Variants in ZFYVE26 observed in about 807,000 individuals in gnomAD.
ZFYVE26 encodes the protein zinc finger FYVE domain-containing protein 26.
A neutral mutation model predicts 276.5 loss-of-function variants in ZFYVE26; 181 were observed. That is an observed-to-expected ratio of 0.65 (90% CI 0.58 to 0.74). The LOEUF is 0.74. Ranked by LOEUF, ZFYVE26 falls within the 30% of genes least tolerant of loss-of-function variation. The pLI is 0.00. For missense variants in ZFYVE26, 2,821 were observed against 3,097.9 expected (o/e 0.91, Z 2.12); for synonymous variants, 1,129 against 1,203.1 (o/e 0.94, Z 1.27).
At chr14:67,737,467 A>G (rs2038365638) in intron 13 of ZFYVE26, among the ~76,000 whole-genome samples, 1 of 152,068 alleles carries the variant, frequency 6.6e-6, no homozygotes, top group Non-Finnish European at 1.5e-5. Context: ...TAAAACCATC[A>G]GGTCTCATGA....
At position 67,802,294 on chromosome 14, in the gene ZFYVE26, A is replaced by G; in HGVS notation, c.1436-12T>C. 1 of 1,613,992 alleles carries G rather than the reference A, an allele frequency of 6.2e-7. No homozygotes were observed. On this transcript the variant is annotated splice_polypyrimidine_tract_variant and intron_variant, in intron 9 of 41. Transcript: ENST00000347230. ...AGCATCAACTGCATCTGAATTACAA[A>G]GAGAAACAGGCTGAACTTGAGAGTT...
intron 3 of ZFYVE26, among the ~76,000 whole-genome samples, chr14:67,810,063 C>G (rs1193988123): frequency 6.6e-6 from 1 of 152,102 alleles, no homozygotes; most frequent in South Asian, 2.1e-4. Flanking sequence ...GGATTACAGG[C>G]GTGAGCCACC....
intron 27 of ZFYVE26, among the ~76,000 whole-genome samples, chr14:67,774,127 T>C (rs1057395071): frequency 6.6e-6 from 1 of 152,210 alleles, no homozygotes; most frequent in Admixed American, 6.5e-5. Context: ...TTGTGGTCAT[T>C]TGCAAACACA....
At position 67,772,128 on chromosome 14, in the gene ZFYVE26, C is replaced by T. The variant is rs369952104; in HGVS notation, c.5403G>A (p.Ala1801=). The T allele has an allele frequency of 2.2e-5, 35 of 1,612,758 alleles. No individual in the cohort carries two copies. Among genetic ancestry groups the T allele is most frequent in the East Asian group, 4.5e-5 (2 of 44,860 alleles). ...TQPSQEFVPP[A]TPPARHQWVP... is the part of the protein sequence containing the mutation. Reference sequence around the variant, plus strand: ...CCCACTGGTGCCTGGCAGGGGGTGTCGCTGGGGGCACAAATTCCTGTGAGG... The same window carrying T: ...CCCACTGGTGCCTGGCAGGGGGTGTTGCTGGGGGCACAAATTCCTGTGAGG... The change falls in exon 28 of 42, where the codon GCG becomes GCA. Residue 1801 remains alanine, a synonymous_variant. Coordinates refer to ENST00000347230, the MANE Select transcript of ZFYVE26 (RefSeq NM_015346.4).
intron 8 of ZFYVE26, among the ~76,000 whole-genome samples, chr14:67,804,552 C>A (rs2040139151): frequency 6.6e-6 from 1 of 152,130 alleles, no homozygotes; most frequent in Admixed American, 6.6e-5. Flanking sequence ...AATTTCTACA[C>A]CCTCTCCAGC....
chr14:67,805,564 G>T lies in ZFYVE26; in HGVS notation c.1072C>A (p.Leu358Ile), dbSNP rs776361033. 1.9e-6 allele frequency: 3 copies of T among 1,614,092 alleles called. No homozygotes were observed. The East Asian group carries it at 6.7e-5, about 36-fold the overall frequency. The change falls in exon 7 of 42, where the codon CTT becomes ATT. Residue 358 changes from leucine to isoleucine, a missense_variant. Transcript: ENST00000347230. ...EEDFPNLGCL[L>I]DREFRPLSCL... ...CTGAGGGGCCTGAATTCTCTATCAAGTAGGCAGCCAAGATTTGGGAAGTCT... is the reference window on the plus strand; with the variant it reads ...CTGAGGGGCCTGAATTCTCTATCAATTAGGCAGCCAAGATTTGGGAAGTCT...
intron 23 of ZFYVE26, among the ~76,000 whole-genome samples, chr14:67,779,843 T>C (rs1390242674): frequency 6.6e-6 from 1 of 152,136 alleles, no homozygotes; most frequent in Non-Finnish European, 1.5e-5. Flanking sequence ...TTTTGGCAAA[T>C]TTCACAATAA....
intron 25 of ZFYVE26, 98 bp from the exon 26 acceptor site, chr14:67,776,204 A>C: frequency 6.5e-7 from 1 of 1,547,716 alleles, no homozygotes; most frequent in Non-Finnish European, 8.8e-7. Context: ...GCATGAGAAC[A>C]AAAGGTGCAT....
At chr14:67,751,375 G>C (rs964092877) in intron 40 of ZFYVE26, 2 of 518,966 alleles carry the variant, frequency 3.9e-6, no homozygotes, top group Non-Finnish European at 7.0e-6. Context: ...GTGGTCCCCT[G>C]CTCCTGGGAG....
At chr14:67,804,734 A>T (rs767470149) in intron 8 of ZFYVE26, among the ~76,000 whole-genome samples, 11 of 152,228 alleles carry the variant, frequency 7.2e-5, no homozygotes, top group Non-Finnish European at 1.5e-4. Flanking sequence ...ACAGTTCAGT[A>T]AGCATTTGTT....
rs1364384036 is a variant in ZFYVE26 at position 67,751,255 on chromosome 14, T to C, written c.7372-159A>G. On this transcript the variant is annotated intron_variant, in intron 40 of 41. Transcript: ENST00000347230. ...ACATGGGGTCTCACTATGTTGCCCA[T>C]GCTGGAGTGTAGTGGCTTTTCACAG... The C allele has an allele frequency of 9.3e-6, 7 of 755,408 alleles. No individual in the cohort carries two copies. The African/African-American group carries it at 1.0e-4, about 11-fold the overall frequency. 46.8% of individuals were successfully genotyped at this position (755,408 alleles called of 1,614,324 possible).
intron 13 of ZFYVE26, among the ~76,000 whole-genome samples, chr14:67,731,503 C>G (rs1000777121): frequency 6.6e-6 from 1 of 152,092 alleles, no homozygotes; most frequent in Non-Finnish European, 1.5e-5. Flanking sequence ...GCGTGAGCCA[C>G]TGCGCCTGGT....
rs577340209 is a variant in ZFYVE26, at chr14:67,767,147, A to G, written c.5790+557T>C. 4.7e-4 allele frequency among the ~76,000 whole-genome samples: 71 copies of G among 152,236 alleles called. 1 individual carries two copies. The highest frequency in any genetic ancestry group is 1.7e-3 in the African/African-American group (70 of 41,524). Reference sequence around the variant, plus strand: ...AGTTTCTGCTTTAAGCCATGGACACACTGCTGCTAAATTAATATTCCTAAA... The same window carrying G: ...AGTTTCTGCTTTAAGCCATGGACACGCTGCTGCTAAATTAATATTCCTAAA... On this transcript the variant is annotated intron_variant, in intron 31 of 41. Transcript: ENST00000347230.
At chr14:67,772,349 T>A in intron 27 of ZFYVE26, 139 bp from the exon 28 acceptor site, 1 of 1,037,264 alleles carries the variant, frequency 9.6e-7, no homozygotes, top group Non-Finnish European at 1.4e-6. Flanking sequence ...AGTGACTGTT[T>A]GTGTCATAAA....
rs1311113597 is a variant in ZFYVE26 at position 67,805,302 on chromosome 14, G to A, written c.1186C>T (p.Pro396Ser). ...LLQTLHRTQGPGCDELLRDAC... is the reference protein window; with the variant it reads ...LLQTLHRTQGSGCDELLRDAC... ...TCCCTGAGGAGCTCATCACAGCCTG[G>A]GCCCTATGTTGATATGGGAGAAGAA... Residue 396 changes from proline to serine, a missense_variant, in exon 8 of 42, where the codon CCA becomes TCA. Transcript: ENST00000347230. 13 of 1,614,040 alleles carry A rather than the reference G, an allele frequency of 8.1e-6. No individual in the cohort carries two copies. Among genetic ancestry groups the A allele is most frequent in the Non-Finnish European group, 1.0e-5 (12 of 1,179,978 alleles).
intron 28 of ZFYVE26, among the ~76,000 whole-genome samples, chr14:67,770,959 CT>C (rs5809364): frequency 0.47 from 70,126 of 150,610 alleles, 16,756 homozygotes; most frequent in East Asian, 0.69. Flanking sequence ...TTCCTAATAT[CT>C]TTTTTTTTTT....
rs762843838 is a variant in ZFYVE26 at position 67,805,228 on chromosome 14, T to G, written c.1260A>C (p.Ile420=). 41 of 1,613,966 alleles carry G rather than the reference T, an allele frequency of 2.5e-5. No individual in the cohort carries two copies. The South Asian group carries it at 4.4e-4, about 17-fold the overall frequency. ...GCACAGGGCCATACCTGCTCTGCTG[T>G]ATGCACCACTCCAGGACCTCCAGGT... ...WAHLEVLEWC[I]QQSSNPIPKR... is the part of the protein sequence containing the mutation. Residue 420 remains isoleucine (I), a synonymous_variant, in exon 8 of 42, where the codon ATA becomes ATC. Coordinates refer to ENST00000347230, the MANE Select transcript of ZFYVE26 (RefSeq NM_015346.4).
At chr14:67,805,122 A>C (rs1469168010) in intron 8 of ZFYVE26, 95 bp downstream of exon 8, 2 of 1,245,392 alleles carry the variant, frequency 1.6e-6, no homozygotes, top group African/African-American at 3.0e-5. Flanking sequence ...AACTCAAAAC[A>C]TTTATGTGGA....
In ZFYVE26 at chr14:67,756,041, C is replaced by T. The variant is rs1322915262; in HGVS notation, c.6693G>A (p.Leu2231=). The change falls in exon 36 of 42, where the codon TTG becomes TTA. Residue 2231 remains leucine, a synonymous_variant. Transcript: ENST00000347230. Reference sequence around the variant, plus strand: ...CAATCAAGTACTTTCCCCAGCTCTCCAAGGTTGGATCAATGGATTCTAGCA... The same window carrying T: ...CAATCAAGTACTTTCCCCAGCTCTCTAAGGTTGGATCAATGGATTCTAGCA... The part of the protein sequence containing the change: ...ENLLESIDPT[L]ESWGKYLIAA... 4 of 1,614,090 alleles carry T rather than the reference C, an allele frequency of 2.5e-6. No homozygotes were observed. The highest frequency in any genetic ancestry group is 2.2e-5 in the East Asian group (1 of 44,898).
Sources: gnomAD v4.1 joint callset for allele counts (sites outside exome capture counted in the v4.1 genomes callset) on GRCh38, gnomAD v4.1.1 for gene constraint, MANE v1.5 for transcripts, NCBI Gene and HGNC (gene_info 2026-07-23, HGNC 2026-07-21) for gene names.